FAT4: variants seen among roughly 807,000 people sequenced by gnomAD.
FAT4 encodes protocadherin Fat 4.
Under a neutral mutation model 303.9 loss-of-function variants are expected in FAT4, and 84 were observed. The observed-to-expected ratio is 0.28, with a 90% CI of 0.23 to 0.33. The LOEUF is 0.33. FAT4 is among the 10% of genes least tolerant of loss of function. The probability of loss-of-function intolerance (pLI) is 1.00; values close to 1 mark genes in which losing one functional copy is unlikely to be tolerated. For missense variants in FAT4, 6,005 were observed against 6,146.8 expected, an observed-to-expected ratio of 0.98 and a Z score of 0.77; for synonymous variants, 2,307 against 2,298.8, an observed-to-expected ratio of 1.00 and a Z score of -0.10.
At chr4:125,387,978 T>A (rs1195411614) in intron 2 of FAT4, among the ~76,000 whole-genome samples, 1 of 152,182 alleles carries the variant, frequency 6.6e-6, no homozygotes, top group Non-Finnish European at 1.5e-5. Context: ...TAACTGCAGT[T>A]GGGCTTCTCT....
chr4:125,463,507 G>A (rs914648091), intron 10 of FAT4, 56 bp from the exon 11 acceptor site: 42 of 1,015,150 alleles, frequency 4.1e-5, no homozygotes, highest in Admixed American at 2.2e-5. Flanking sequence ...ATGGTGTAAC[G>A]GTGTTAATAT....
chr4:125,404,578 A>C (rs755606087), intron 3 of FAT4, among the ~76,000 whole-genome samples: 12 of 152,166 alleles, frequency 7.9e-5, no homozygotes, highest in Non-Finnish European at 1.5e-4. Flanking sequence ...TATTGTGATA[A>C]GAACATTAAT....
intron 12 of FAT4, among the ~76,000 whole-genome samples, chr4:125,469,218 A>G (rs934076554): frequency 3.3e-5 from 5 of 152,192 alleles, no homozygotes; most frequent in African/African-American, 1.2e-4. Flanking sequence ...AAAACACTTT[A>G]TTGTTAAAAA....
intron 2 of FAT4, among the ~76,000 whole-genome samples, chr4:125,370,423 A>G: frequency 6.6e-6 from 1 of 152,118 alleles, no homozygotes; most frequent in South Asian, 2.1e-4. Context: ...ATTATGCCTA[A>G]TTCCCTACAC....
intron 2 of FAT4, among the ~76,000 whole-genome samples, chr4:125,348,097 GCA>G (rs1396999316): frequency 1.3e-5 from 2 of 151,720 alleles, no homozygotes; most frequent in Non-Finnish European, 2.9e-5. Context: ...TGTAAAAGTT[GCA>G]CAATATTTCT....
At chr4:125,442,283 A>G (rs1725686489) in intron 8 of FAT4, among the ~76,000 whole-genome samples, 1 of 152,042 alleles carries the variant, frequency 6.6e-6, no homozygotes. Flanking sequence ...ACACCTCTTT[A>G]CTGTTTCATA....
At chr4:125,398,002 T>C (rs915165673) in intron 2 of FAT4, among the ~76,000 whole-genome samples, 2 of 152,180 alleles carry the variant, frequency 1.3e-5, no homozygotes, top group Admixed American at 6.6e-5. Flanking sequence ...GTCTTTCCCC[T>C]TTTCTTACCA....
intron 14 of FAT4, among the ~76,000 whole-genome samples, chr4:125,477,960 C>T (rs116315421): frequency 1.3e-5 from 2 of 152,120 alleles, no homozygotes; most frequent in African/African-American, 4.8e-5. Context: ...TCTAACCACC[C>T]AGAGACAACT....
chr4:125,353,803 T>A (rs867402434), intron 2 of FAT4, among the ~76,000 whole-genome samples: 5 of 151,628 alleles, frequency 3.3e-5, no homozygotes, highest in Admixed American at 1.3e-4. Context: ...GACTGAAAAA[T>A]TCCAAATGAA....
At chr4:125,375,504 T>C (rs1578573134) in intron 2 of FAT4, among the ~76,000 whole-genome samples, 2 of 152,318 alleles carry the variant, frequency 1.3e-5, no homozygotes, top group East Asian at 3.9e-4. Flanking sequence ...TTGGATACCC[T>C]GGTGAGAGAG....
At position 125,450,408 on chromosome 4, in the gene FAT4, G is replaced by T. The variant is rs774134577; in HGVS notation, c.9398G>T (p.Gly3133Val). The T allele has an allele frequency of 2.5e-6, 4 of 1,614,044 alleles. No individual in the cohort carries two copies. The highest frequency in any genetic ancestry group is 3.4e-6 in the Non-Finnish European group (4 of 1,179,986). The part of the protein sequence containing the change: ...NGLIKYSISS[G>V]NEEGIFAINS... ...TTGATTAAGTACAGCATTTCTTCAG[G>T]AAATGAAGAAGGCATTTTTGCAATC... The change falls in exon 10 of 18, where the codon GGA (glycine) becomes GTA (valine). Residue 3133 changes from glycine (G) to valine (V), a missense_variant. Coordinates refer to ENST00000394329, the MANE Select transcript of FAT4 (RefSeq NM_001291303.3).
intron 2 of FAT4, among the ~76,000 whole-genome samples, chr4:125,355,181 A>T (rs911695946): frequency 6.6e-6 from 1 of 151,982 alleles, no homozygotes; most frequent in Non-Finnish European, 1.5e-5. Context: ...AAGGAATTTT[A>T]AAATATATAT....
chr4:125,432,887 G>A (rs1319912434), intron 7 of FAT4, among the ~76,000 whole-genome samples: 1 of 151,964 alleles, frequency 6.6e-6, no homozygotes, highest in Non-Finnish European at 1.5e-5. Context: ...TTTCTGGGAG[G>A]TATCATGCTT....
At position 125,357,940 on chromosome 4, in the gene FAT4, G is replaced by T. The variant is rs553420272; in HGVS notation, c.5175+36354G>T. ...AAGGAAAAGCTAACTACTTCATAGAGCTGTAAGATTGTTTCCTTTTACCCC... is the reference window on the plus strand; with the variant it reads ...AAGGAAAAGCTAACTACTTCATAGATCTGTAAGATTGTTTCCTTTTACCCC... On this transcript the variant is annotated intron_variant, in intron 2 of 17. Transcript: ENST00000394329. 2.6e-5 allele frequency among the ~76,000 whole-genome samples: 4 copies of T among 152,228 alleles called. No homozygotes were observed. In the East Asian group the frequency reaches 7.7e-4, roughly 29 times the overall value.
chr4:125,468,756 C>T lies in FAT4; in HGVS notation c.12150C>T (p.Leu4050=), dbSNP rs1434766338. The T allele has an allele frequency of 1.2e-6, 2 of 1,613,880 alleles. No homozygotes were observed. The highest frequency in any genetic ancestry group is 1.7e-5 in the Admixed American group (1 of 59,996). The part of the protein sequence containing the change: ...SYNLGSGTYK[L]TTMKKVSDGH... ...ATTTAGGCAGTGGTACATATAAGCTCACCACCATGAAGAAGGTGTCAGATG... is the reference window on the plus strand; with the variant it reads ...ATTTAGGCAGTGGTACATATAAGCTTACCACCATGAAGAAGGTGTCAGATG... Residue 4050 remains leucine (L), a synonymous_variant, in exon 12 of 18, where the codon CTC becomes CTT. Coordinates refer to ENST00000394329, the MANE Select transcript of FAT4 (RefSeq NM_001291303.3).
intron 2 of FAT4, among the ~76,000 whole-genome samples, chr4:125,353,172 T>C (rs909284069): frequency 6.6e-6 from 1 of 151,752 alleles, no homozygotes; most frequent in Non-Finnish European, 1.5e-5. Flanking sequence ...CTCAGTTCTA[T>C]AGAAAGTTTG....
chr4:125,403,860 A>T (rs1406596299), intron 3 of FAT4, among the ~76,000 whole-genome samples: 2 of 152,164 alleles, frequency 1.3e-5, no homozygotes, highest in African/African-American at 4.8e-5. Context: ...TGAGCAAATG[A>T]GAGAGCTATT....
chr4:125,465,244 AT>A (rs1321335859), intron 11 of FAT4, among the ~76,000 whole-genome samples: 2 of 152,128 alleles, frequency 1.3e-5, no homozygotes, highest in Non-Finnish European at 2.9e-5. Context: ...TTTTTATACA[AT>A]TTCTTTGAAA....
intron 2 of FAT4, among the ~76,000 whole-genome samples, chr4:125,379,205 A>G (rs1354898230): frequency 6.6e-6 from 1 of 152,056 alleles, no homozygotes; most frequent in African/African-American, 2.4e-5. Context: ...AAAACATGTT[A>G]AAGCAAATTA....
Sources: allele counts gnomAD v4.1 joint callset (sites outside exome capture counted in the v4.1 genomes callset), GRCh38; gene constraint gnomAD v4.1.1; transcripts MANE v1.5; gene names NCBI Gene and HGNC (gene_info 2026-07-23, HGNC 2026-07-21).